TTBK2: variants seen among roughly 807,000 people sequenced by gnomAD.
TTBK2 encodes tau tubulin kinase 2.
In TTBK2, 28 loss-of-function variants were observed where a neutral mutation model predicts 110.8. The ratio of observed to expected loss-of-function variants is 0.25; its 90% CI spans 0.19 to 0.35. The LOEUF (loss-of-function observed/expected upper bound fraction) is 0.35, where lower values mean the gene tolerates loss of function less well. TTBK2 is among the 10% of genes least tolerant of loss of function. The pLI is 1.00. For synonymous variants in TTBK2, 532 were observed against 527.3 expected (o/e 1.01, Z -0.12); for missense variants, 1,369 against 1,500.3 (o/e 0.91, Z 1.45).
chr15:42,752,477 A>G lies in TTBK2; in HGVS notation c.2769T>C (p.Asn923=). ...NGELFHCVSE[N]EHGAPTRKDM... is the part of the protein sequence containing the mutation. ...CCTTCCGGGTTGGGGCACCATGTTC[A>G]TTCTCTGAAACACAATGAAATAGTT... The change falls in exon 14 of 15, where the codon AAT becomes AAC. Residue 923 remains asparagine (N), a synonymous_variant. Transcript: ENST00000267890. The G allele has an allele frequency of 5.0e-6, 8 of 1,614,184 alleles. No homozygotes were observed. The highest frequency in any genetic ancestry group is 6.8e-6 in the Non-Finnish European group (8 of 1,180,026).
At chr15:42,848,848 A>C (rs1893577822) in intron 3 of TTBK2, among the ~76,000 whole-genome samples, 1 of 152,186 alleles carries the variant, frequency 6.6e-6, no homozygotes, top group Non-Finnish European at 1.5e-5. Flanking sequence ...GGAGTTACTG[A>C]ACTTTTTAAA....
chr15:42,783,239 T>C (rs935860066), intron 11 of TTBK2, among the ~76,000 whole-genome samples, 180 bp downstream of exon 11: 7 of 152,080 alleles, frequency 4.6e-5, no homozygotes, highest in Non-Finnish European at 1.0e-4. Flanking sequence ...ATGAGAGTGG[T>C]GTCCTTACAA....
intron 4 of TTBK2, among the ~76,000 whole-genome samples, chr15:42,836,503 G>C (rs1402809644): frequency 6.6e-6 from 1 of 151,970 alleles, no homozygotes; most frequent in African/African-American, 2.4e-5. Flanking sequence ...GTTTAAATGG[G>C]TTAACTTTCT....
At chr15:42,846,480 C>A (rs989283883) in intron 3 of TTBK2, among the ~76,000 whole-genome samples, 4 of 152,128 alleles carry the variant, frequency 2.6e-5, no homozygotes, top group East Asian at 3.8e-4. Context: ...CCATGCCCAG[C>A]CTTTTTCCTA....
At chr15:42,841,674 C>T (rs942712250) in intron 3 of TTBK2, among the ~76,000 whole-genome samples, 4 of 151,874 alleles carry the variant, frequency 2.6e-5, no homozygotes, top group Admixed American at 6.6e-5. Context: ...TCAATTCTAG[C>T]GGAGAAGGTC....
chr15:42,843,343 G>A (rs79824731), intron 3 of TTBK2, among the ~76,000 whole-genome samples: 3,087 of 152,250 alleles, frequency 0.02, 101 homozygotes, highest in African/African-American at 0.07. Flanking sequence ...GGCCAAAAAC[G>A]GGATTACGGT....
intron 13 of TTBK2, among the ~76,000 whole-genome samples, chr15:42,763,149 T>TATATAC (rs1567008719): frequency 1.7e-3 from 102 of 60,436 alleles, no homozygotes; most frequent in African/African-American, 0.011. Context: ...CATACATATA[T>TATATAC]ATATATACAT....
chr15:42,746,925 C>A (rs1198242330), intron 14 of TTBK2, among the ~76,000 whole-genome samples: 1 of 151,296 alleles, frequency 6.6e-6, no homozygotes, highest in Non-Finnish European at 1.5e-5. Context: ...CTGGAACTGA[C>A]TGCCCACTCC....
chr15:42,874,902 C>T (rs1395786219), intron 2 of TTBK2, among the ~76,000 whole-genome samples: 1 of 150,918 alleles, frequency 6.6e-6, no homozygotes, highest in East Asian at 2.0e-4. Context: ...AGGAGAATCG[C>T]TTGAACCTGG....
chr15:42,833,679 C>G (rs545026816), intron 4 of TTBK2, among the ~76,000 whole-genome samples: 18 of 151,974 alleles, frequency 1.2e-4, no homozygotes, highest in Non-Finnish European at 2.6e-4. Context: ...TCAAGACCAG[C>G]CTGGGCAACA....
chr15:42,801,745 A>C, intron 9 of TTBK2: 1 of 829,222 alleles, frequency 1.2e-6, no homozygotes, highest in Non-Finnish European at 2.1e-6. Flanking sequence ...CTGCCTGAGG[A>C]AGCTGATCTT....
At chr15:42,804,819 G>C (rs952876151) in intron 9 of TTBK2, among the ~76,000 whole-genome samples, 1 of 152,184 alleles carries the variant, frequency 6.6e-6, no homozygotes, top group African/African-American at 2.4e-5. Context: ...ACCAAAAAAA[G>C]TACTCTGCTT....
chr15:42,830,547 G>T (rs943399620), intron 4 of TTBK2, among the ~76,000 whole-genome samples: 1 of 151,932 alleles, frequency 6.6e-6, no homozygotes, highest in Non-Finnish European at 1.5e-5. Context: ...TTAATCACAC[G>T]AATGTTTCAG....
At chr15:42,894,896 A>C (rs1895607874) in intron 1 of TTBK2, among the ~76,000 whole-genome samples, 1 of 152,202 alleles carries the variant, frequency 6.6e-6, no homozygotes, top group African/African-American at 2.4e-5. Flanking sequence ...TGGGGATGCA[A>C]GGCTGACTCA....
intron 1 of TTBK2, among the ~76,000 whole-genome samples, chr15:42,908,974 T>A (rs1017216780): frequency 1.3e-5 from 2 of 152,214 alleles, no homozygotes; most frequent in African/African-American, 2.4e-5. Context: ...ACAAATTTAG[T>A]GGCAAAAAAC....
At chr15:42,826,172 T>C (rs1429062559) in intron 6 of TTBK2, among the ~76,000 whole-genome samples, 2 of 152,166 alleles carry the variant, frequency 1.3e-5, no homozygotes, top group East Asian at 3.8e-4. Flanking sequence ...ATGGGAACTT[T>C]TGATTTTACA....
At chr15:42,886,973 C>T (rs1895271167) in intron 1 of TTBK2, among the ~76,000 whole-genome samples, 1 of 152,236 alleles carries the variant, frequency 6.6e-6, no homozygotes, top group African/African-American at 2.4e-5. Context: ...ACACACTGCC[C>T]AATCTCCTTG....
At chr15:42,870,405 C>G (rs1894569319) in intron 3 of TTBK2, among the ~76,000 whole-genome samples, 1 of 151,758 alleles carries the variant, frequency 6.6e-6, no homozygotes, top group Non-Finnish European at 1.5e-5. Flanking sequence ...CTGAGAAAAT[C>G]TAGGGTTGTT....
intron 14 of TTBK2, among the ~76,000 whole-genome samples, chr15:42,751,557 C>T (rs1286575572): frequency 1.3e-5 from 2 of 152,104 alleles, no homozygotes; most frequent in African/African-American, 4.8e-5. Flanking sequence ...CCCAACATAG[C>T]GAAACCCTGT....
Sources: allele counts gnomAD v4.1 joint callset (sites outside exome capture counted in the v4.1 genomes callset), GRCh38; gene constraint gnomAD v4.1.1; transcripts MANE v1.5; gene names NCBI Gene and HGNC (gene_info 2026-07-23, HGNC 2026-07-21).